The following ZSWIM6 variants were observed in gnomAD, a reference collection of about 807,000 sequenced individuals.
ZSWIM6 encodes zinc finger SWIM domain-containing protein 6.
A neutral mutation model predicts 113.2 loss-of-function variants in ZSWIM6; 9 were observed. That is an observed-to-expected ratio of 0.08 (90% CI 0.05 to 0.14). The LOEUF is 0.14. ZSWIM6 is among the 10% of genes least tolerant of loss of function. ZSWIM6 has a pLI of 1.00. For synonymous variants in ZSWIM6, 611 were observed against 606.5 expected (o/e 1.01, Z -0.11); for missense variants, 1,162 against 1,552.2 (o/e 0.75, Z 4.22).
Position 61,530,085 on chromosome 5 carries a change from A to G in ZSWIM6, c.1871A>G (p.Asn624Ser), listed in dbSNP as rs375378529. The stretch of plus-strand genomic sequence containing the variant: ...CATAAAAACATAACCTCGATAACCA[A>G]TCTGGAGGGCTGGGTTGGACATCCC... ...LPHKNITSIT[N>S]LEGWVGHPLD... Residue 624 changes from asparagine to serine, a missense_variant, in exon 8 of 14, where the codon AAT (asparagine) becomes AGT (serine). By Grantham distance (46) the Asn-to-Ser change is conservative. This residue lies in a region of ZSWIM6 where 620 missense variants were observed against 804.6 expected (regional missense o/e 0.77). Coordinates refer to ENST00000252744, the MANE Select transcript of ZSWIM6 (RefSeq NM_020928.2). 1.9e-6 allele frequency: 3 copies of G among 1,551,358 alleles called. No homozygotes were observed. Among genetic ancestry groups the G allele is most frequent in the East Asian group, 4.9e-5 (2 of 40,928 alleles).
intron 1 of ZSWIM6, among the ~76,000 whole-genome samples, chr5:61,419,317 A>G (rs759517660): frequency 4.6e-5 from 7 of 152,254 alleles, no homozygotes; most frequent in Non-Finnish European, 1.0e-4. Context: ...TTCTACCATT[A>G]TCTCACTGGT....
At chr5:61,343,708 A>G (rs1744594863) in intron 1 of ZSWIM6, among the ~76,000 whole-genome samples, 2 of 152,164 alleles carry the variant, frequency 1.3e-5, no homozygotes, top group Non-Finnish European at 2.9e-5. Context: ...TACAAAGAAT[A>G]TTGTGATTTT....
chr5:61,367,785 A>G (rs910593967), intron 1 of ZSWIM6, among the ~76,000 whole-genome samples: 9 of 152,058 alleles, frequency 5.9e-5, no homozygotes, highest in African/African-American at 2.2e-4. Context: ...TTGGTTAACT[A>G]ATGTTTAGTG....
intron 5 of ZSWIM6, among the ~76,000 whole-genome samples, chr5:61,521,886 A>G (rs1749135718): frequency 6.6e-6 from 1 of 152,106 alleles, no homozygotes; most frequent in African/African-American, 2.4e-5. Flanking sequence ...TCTTAGTTTT[A>G]AAATGTAGTA....
intron 1 of ZSWIM6, among the ~76,000 whole-genome samples, chr5:61,394,909 C>A (rs534217935): frequency 3.0e-4 from 45 of 152,176 alleles, no homozygotes; most frequent in African/African-American, 9.9e-4. Context: ...GCAGGTCAGA[C>A]CATAGTGGAC....
At chr5:61,365,813 A>G (rs992171640) in intron 1 of ZSWIM6, among the ~76,000 whole-genome samples, 5 of 152,234 alleles carry the variant, frequency 3.3e-5, no homozygotes, top group East Asian at 1.9e-4. Flanking sequence ...TCAGACCACC[A>G]TATTTGGCAG....
At chr5:61,357,768 A>G (rs1744946129) in intron 1 of ZSWIM6, among the ~76,000 whole-genome samples, 1 of 151,198 alleles carries the variant, frequency 6.6e-6, no homozygotes, top group Non-Finnish European at 1.5e-5. Flanking sequence ...TCATAGCTTT[A>G]TGAAAACTAA....
intron 4 of ZSWIM6, among the ~76,000 whole-genome samples, chr5:61,516,787 C>T (rs1054447962): frequency 2.6e-5 from 4 of 151,816 alleles, no homozygotes; most frequent in Non-Finnish European, 4.4e-5. Context: ...CCTTCTGATA[C>T]TATTTCTCCT....
At chr5:61,436,235 C>T (rs1746704521) in intron 1 of ZSWIM6, among the ~76,000 whole-genome samples, 1 of 151,570 alleles carries the variant, frequency 6.6e-6, no homozygotes, top group Admixed American at 6.6e-5. Context: ...CACTAATTAT[C>T]ACTAAATGAG....
intron 1 of ZSWIM6, among the ~76,000 whole-genome samples, chr5:61,356,191 C>T (rs1340756955): frequency 6.6e-6 from 1 of 152,176 alleles, no homozygotes; most frequent in African/African-American, 2.4e-5. Flanking sequence ...GCCCCGAACT[C>T]GGGTTCAAGT....
rs867145703 is a variant in ZSWIM6 at position 61,512,180 on chromosome 5, G to A, written c.1334-9083G>A. Among the ~76,000 whole-genome samples the A allele has an allele frequency of 7.9e-5, 12 of 151,954 alleles. No individual in the cohort carries two copies. The South Asian group carries it at 1.0e-3, about 13-fold the overall frequency. ...ATCTGTTCTCAGTCCCTTTAGTTTC[G>A]CCATTCCAGAATATCATATCAGTTG... On this transcript the variant is annotated intron_variant, in intron 4 of 13. Coordinates refer to ENST00000252744, the MANE Select transcript of ZSWIM6 (RefSeq NM_020928.2).
At chr5:61,533,635 T>A (rs1749501353) in intron 9 of ZSWIM6, among the ~76,000 whole-genome samples, 1 of 152,220 alleles carries the variant, frequency 6.6e-6, no homozygotes. Flanking sequence ...TTATGTATCC[T>A]GGATCTCCTG....
At position 61,517,777 on chromosome 5, in the gene ZSWIM6, A is replaced by ATTT. The variant is rs1267854339; in HGVS notation, c.1334-3486_1334-3485insTTT. ...TCAGGAGATTTTTTTTTAATTATTT[A>ATTT]ATTATTTATTTATTTATTTATTTAT... On this transcript the variant is annotated intron_variant, in intron 4 of 13. Coordinates refer to ENST00000252744, the MANE Select transcript of ZSWIM6 (RefSeq NM_020928.2). Among the ~76,000 whole-genome samples, 1,276 of 149,966 alleles carry ATTT rather than the reference A, an allele frequency of 8.5e-3. 7 individuals are homozygous for ATTT. Among genetic ancestry groups the ATTT allele is most frequent in the African/African-American group, 0.012 (505 of 41,058 alleles).
chr5:61,400,205 A>C (rs990561927), intron 1 of ZSWIM6, among the ~76,000 whole-genome samples: 1 of 152,172 alleles, frequency 6.6e-6, no homozygotes, highest in Non-Finnish European at 1.5e-5. Context: ...GCCCTCCTGT[A>C]GTCCTAATTC....
At chr5:61,360,751 A>G (rs1327503113) in intron 1 of ZSWIM6, among the ~76,000 whole-genome samples, 3 of 152,184 alleles carry the variant, frequency 2.0e-5, no homozygotes, top group Admixed American at 2.0e-4. Context: ...TTTATAGCCA[A>G]TACAATGGGT....
intron 1 of ZSWIM6, among the ~76,000 whole-genome samples, chr5:61,354,439 C>T (rs940757588): frequency 6.6e-6 from 1 of 152,140 alleles, no homozygotes; most frequent in South Asian, 2.1e-4. Flanking sequence ...TGAATAATTA[C>T]TCTCTGGAGT....
At chr5:61,335,443 C>T (rs2112018871) in intron 1 of ZSWIM6, among the ~76,000 whole-genome samples, 1 of 152,304 alleles carries the variant, frequency 6.6e-6, no homozygotes, top group East Asian at 1.9e-4. Context: ...CAGGGTTCCC[C>T]CCACCTCCCT....
At position 61,521,447 on chromosome 5, in the gene ZSWIM6, G is replaced by C. The variant is rs2112261370; in HGVS notation, c.1513+5G>C. The C allele has an allele frequency of 6.9e-7, 1 of 1,456,460 alleles. No individual in the cohort carries two copies. Among genetic ancestry groups the C allele is most frequent in the South Asian group, 1.5e-5 (1 of 68,662 alleles). 90.2% of individuals were successfully genotyped at this position (1,456,460 alleles called of 1,614,324 possible). On this transcript the variant is annotated splice_donor_5th_base_variant and intron_variant, in intron 5 of 13. Transcript: ENST00000252744. The stretch of plus-strand genomic sequence containing the variant: ...AGGGTGCAAATGCCAACCAAGGTGA[G>C]TCTACCATAATGTTCTGCTTAAATT...
chr5:61,451,917 AATAT>A (rs1747093446), intron 1 of ZSWIM6, among the ~76,000 whole-genome samples: 1 of 152,162 alleles, frequency 6.6e-6, no homozygotes, highest in African/African-American at 2.4e-5. Context: ...AGTAGTTACA[AATAT>A]ATATGTAGTA....
Sources: gnomAD v4.1 joint callset for allele counts (sites outside exome capture counted in the v4.1 genomes callset) on GRCh38, gnomAD v4.1.1 for gene constraint, gnomAD v4.1.1 regional missense constraint, MANE v1.5 for transcripts, NCBI Gene and HGNC (gene_info 2026-07-23, HGNC 2026-07-21) for gene names.